The following DRC2 variants were observed in gnomAD, a reference collection of about 807,000 sequenced individuals.
DRC2 encodes the protein coiled-coil domain containing 65.
chr12:48,919,315 C>T, the DRC2 span, among the ~76,000 whole-genome samples: 1 of 151,390 alleles, frequency 6.6e-6, no homozygotes, highest in African/African-American at 2.4e-5. Context: ...CAACCTCTGC[C>T]TCCTGGGCTC....
chr12:48,918,034 G>A, the DRC2 span: 1 of 460,104 alleles, frequency 2.2e-6, no homozygotes, highest in Non-Finnish European at 3.9e-6. Flanking sequence ...GGCTCACGTG[G>A]AGCTCAGTGA....
the DRC2 span, chr12:48,914,450 C>A: frequency 6.2e-7 from 1 of 1,614,076 alleles, no homozygotes; most frequent in African/African-American, 1.3e-5. Context: ...TACGCCCATG[C>A]CCTGCGCAGC....
chr12:48,908,556 T>C, the DRC2 span, among the ~76,000 whole-genome samples: 1 of 148,670 alleles, frequency 6.7e-6, no homozygotes, highest in South Asian at 2.1e-4. Context: ...CTAGATTCTC[T>C]GCAGAACTAC....
the DRC2 span, among the ~76,000 whole-genome samples, chr12:48,911,581 G>A: frequency 6.6e-6 from 1 of 151,186 alleles, no homozygotes; most frequent in African/African-American, 2.4e-5. Flanking sequence ...TAGAAATAGA[G>A]ATGGGGTCTG....
chr12:48,907,409 G>A, the DRC2 span, among the ~76,000 whole-genome samples: 3 of 152,072 alleles, frequency 2.0e-5, no homozygotes, highest in Non-Finnish European at 4.4e-5. Flanking sequence ...TGAGTAGTTG[G>A]CCAGGTTCAC....
chr12:48,915,727 G>A, the DRC2 span, among the ~76,000 whole-genome samples: 6 of 150,484 alleles, frequency 4.0e-5, no homozygotes, highest in Admixed American at 2.0e-4. Context: ...AGGGGCGGCC[G>A]GGCAGAGGCA....
chr12:48,914,455 C>T, the DRC2 span: 107 of 1,613,988 alleles, frequency 6.6e-5, 1 homozygote, highest in South Asian at 9.2e-4. Flanking sequence ...CCATGCCCTG[C>T]GCAGCCACTT....
the DRC2 span, among the ~76,000 whole-genome samples, chr12:48,913,638 C>A: frequency 1.3e-5 from 2 of 152,070 alleles, no homozygotes; most frequent in African/African-American, 2.4e-5. Flanking sequence ...GGATTACAGG[C>A]ACCTGCCACC....
chr12:48,921,446 T>C, the DRC2 span: 2 of 1,602,038 alleles, frequency 1.2e-6, no homozygotes, highest in Non-Finnish European at 1.7e-6. Flanking sequence ...CCACTTAAAA[T>C]ATAATTGAAG....
chr12:48,918,585 A>T, the DRC2 span: 1 of 1,484,262 alleles, frequency 6.7e-7, no homozygotes, highest in Non-Finnish European at 9.2e-7. Flanking sequence ...GGAAAAGATG[A>T]TATGCTCTGA....
At chr12:48,920,703 T>C in the DRC2 span, among the ~76,000 whole-genome samples, 1 of 151,900 alleles carries the variant, frequency 6.6e-6, no homozygotes, top group Non-Finnish European at 1.5e-5. Context: ...TAATTTTTTG[T>C]AGAGATGGGG....
At chr12:48,906,369 T>A in the DRC2 span, among the ~76,000 whole-genome samples, 1 of 151,128 alleles carries the variant, frequency 6.6e-6, no homozygotes, top group African/African-American at 2.4e-5. Flanking sequence ...AATGGCGCAG[T>A]CTTGGCTCAC....
At chr12:48,905,234 T>A in the DRC2 span, 2 of 878,190 alleles carry the variant, frequency 2.3e-6, no homozygotes, top group Non-Finnish European at 3.4e-6. Flanking sequence ...AGGCTATTGG[T>A]AATAATGGTT....
chr12:48,919,324 T>G, the DRC2 span, among the ~76,000 whole-genome samples: 1 of 151,138 alleles, frequency 6.6e-6, no homozygotes, highest in African/African-American at 2.4e-5. Context: ...CCTCCTGGGC[T>G]CAAGCATTCC....
the DRC2 span, chr12:48,905,024 G>A: frequency 1.2e-6 from 2 of 1,613,942 alleles, no homozygotes; most frequent in East Asian, 4.5e-5. Context: ...TGTCCTTCGG[G>A]AAGTCAAGAC....
At chr12:48,921,069 A>G in the DRC2 span, 1 of 1,611,766 alleles carries the variant, frequency 6.2e-7, no homozygotes, top group Admixed American at 1.7e-5. Flanking sequence ...GAGCTTACTG[A>G]GGAGCTCACC....
chr12:48,909,926 G>T, the DRC2 span, among the ~76,000 whole-genome samples: 1 of 151,906 alleles, frequency 6.6e-6, no homozygotes, highest in African/African-American at 2.4e-5. Context: ...GACTACAGGT[G>T]TGCGCCACCA....
chr12:48,910,701 T>C, the DRC2 span, among the ~76,000 whole-genome samples: 1 of 152,220 alleles, frequency 6.6e-6, no homozygotes, highest in East Asian at 1.9e-4. Flanking sequence ...TTTTTTTACA[T>C]AAATGATCTT....
the DRC2 span, among the ~76,000 whole-genome samples, chr12:48,915,568 C>A: frequency 1.3e-5 from 2 of 152,050 alleles, no homozygotes; most frequent in Non-Finnish European, 2.9e-5. Context: ...ACCTTTCCCC[C>A]CTTTCTATTC....
Sources: gnomAD v4.1 joint callset for allele counts (sites outside exome capture counted in the v4.1 genomes callset) on GRCh38, gnomAD v4.1.1 for gene constraint, MANE v1.5 for transcripts, NCBI Gene and HGNC (gene_info 2026-07-23, HGNC 2026-07-21) for gene names.